AGBL1: variants seen among roughly 807,000 people sequenced by gnomAD.
AGBL1 encodes AGBL carboxypeptidase 1, also known as cytosolic carboxypeptidase 4.
AGBL1 carries 130 observed loss-of-function variants against 118.9 expected under a neutral mutation model. The ratio of observed to expected loss-of-function variants is 1.09; its 90% CI spans 0.95 to 1.26. AGBL1 has a LOEUF of 1.26. AGBL1 is among the 50% of genes most tolerant of loss of function. The pLI is 0.00. For missense variants in AGBL1, 1,584 were observed against 1,298.1 expected, an observed-to-expected ratio of 1.22 and a Z score of -3.38; for synonymous variants, 555 against 478.9, an observed-to-expected ratio of 1.16 and a Z score of -2.08.
chr15:86,269,916 C>G lies in AGBL1; in HGVS notation c.1839-3C>G. On this transcript the variant is annotated splice_region_variant and splice_polypyrimidine_tract_variant and intron_variant, in intron 13 of 22. Coordinates refer to ENST00000614907, the MANE Select transcript of AGBL1 (RefSeq NM_001386094.1). ...ACCCTCCAGTCTTGCTTCTGATCTG[C>G]AGGTTCGAGTATGACTTGCTGGTCA... The G allele has an allele frequency of 2.5e-6, 4 of 1,613,216 alleles. No individual in the cohort carries two copies. The highest frequency in any genetic ancestry group is 3.4e-6 in the Non-Finnish European group (4 of 1,179,440).
chr15:86,520,029 C>T (rs2083166577), intron 18 of AGBL1, among the ~76,000 whole-genome samples: 1 of 152,168 alleles, frequency 6.6e-6, no homozygotes, highest in South Asian at 2.1e-4. Context: ...TACACTGTTA[C>T]TTAAAAATGA....
At chr15:86,281,727 C>G (rs1015460198) in intron 16 of AGBL1, among the ~76,000 whole-genome samples, 1 of 152,080 alleles carries the variant, frequency 6.6e-6, no homozygotes, top group Non-Finnish European at 1.5e-5. Flanking sequence ...TTTCTACTCC[C>G]CTGTAGAAAA....
At chr15:86,330,827 A>G (rs1042793124) in intron 17 of AGBL1, among the ~76,000 whole-genome samples, 28 of 152,210 alleles carry the variant, frequency 1.8e-4, no homozygotes, top group African/African-American at 6.8e-4. Flanking sequence ...TTCAAAATAC[A>G]ATTGAAAGCT....
chr15:86,667,145 A>T (rs2085658167), intron 21 of AGBL1, among the ~76,000 whole-genome samples: 1 of 151,978 alleles, frequency 6.6e-6, no homozygotes, highest in Non-Finnish European at 1.5e-5. Context: ...TCTCTAAATC[A>T]TTTATATTTT....
chr15:86,997,296 AGGTCCT>A, intron 24 of AGBL1, among the ~76,000 whole-genome samples: 1 of 152,284 alleles, frequency 6.6e-6, no homozygotes, highest in East Asian at 1.9e-4. Flanking sequence ...TACAGTCACC[AGGTCCT>A]GGCGGCCTCC....
At chr15:86,501,648 T>G (rs2082918102) in intron 18 of AGBL1, among the ~76,000 whole-genome samples, 1 of 151,590 alleles carries the variant, frequency 6.6e-6, no homozygotes, top group African/African-American at 2.4e-5. Flanking sequence ...AAGGTCCAAA[T>G]GTACTGTTTT....
intron 5 of AGBL1, among the ~76,000 whole-genome samples, chr15:86,213,867 T>C (rs2078142157): frequency 6.6e-6 from 1 of 152,212 alleles, no homozygotes; most frequent in South Asian, 2.1e-4. Context: ...CTGTCAAAAC[T>C]TTGTTGTTAC....
chr15:86,421,229 C>T (rs188527247), intron 18 of AGBL1, among the ~76,000 whole-genome samples: 30 of 152,172 alleles, frequency 2.0e-4, no homozygotes, highest in African/African-American at 5.8e-4. Flanking sequence ...GCGGGTTACC[C>T]ATAAAGGGAA....
intron 17 of AGBL1, among the ~76,000 whole-genome samples, chr15:86,348,455 G>T (rs764977268): frequency 6.6e-6 from 1 of 152,178 alleles, no homozygotes; most frequent in Admixed American, 6.5e-5. Context: ...AATGTCTGGA[G>T]ACACTTTTGA....
chr15:86,378,549 C>A lies in AGBL1; in HGVS notation c.2375-18817C>A, dbSNP rs138809570. On this transcript the variant is annotated intron_variant, in intron 17 of 22. Transcript: ENST00000614907. ...AGTGCTGAGTAGCTTCAGCTTCCAA[C>A]TGGGCCATTCTGAGAGCTATGCTGA... 6.9e-3 allele frequency among the ~76,000 whole-genome samples: 1,053 copies of A among 152,278 alleles called. 10 individuals carry two copies. Among genetic ancestry groups the A allele is most frequent in the African/African-American group, 0.024 (998 of 41,556 alleles).
chr15:86,148,209 A>G (rs1351449333), intron 3 of AGBL1, among the ~76,000 whole-genome samples: 1 of 152,252 alleles, frequency 6.6e-6, no homozygotes, highest in Admixed American at 6.5e-5. Context: ...TCTAAAAATC[A>G]GAGCATCTCT....
intron 22 of AGBL1, among the ~76,000 whole-genome samples, chr15:86,814,503 C>T (rs1238609110): frequency 6.6e-6 from 1 of 152,160 alleles, no homozygotes; most frequent in Non-Finnish European, 1.5e-5. Context: ...TACATAAAAG[C>T]TTGCCCACAG....
intron 1 of AGBL1, among the ~76,000 whole-genome samples, chr15:86,092,124 T>C (rs554797834): frequency 1.8e-4 from 28 of 152,256 alleles, no homozygotes; most frequent in African/African-American, 6.5e-4. Flanking sequence ...AACATGGTTC[T>C]TGTCCTCCCA....
chr15:86,770,829 TAAC>T (rs1024469447), intron 22 of AGBL1, among the ~76,000 whole-genome samples: 5 of 151,960 alleles, frequency 3.3e-5, no homozygotes, highest in African/African-American at 4.8e-5. Flanking sequence ...CACAGAATAA[TAAC>T]AACCTACCTT....
intron 21 of AGBL1, among the ~76,000 whole-genome samples, chr15:86,573,508 A>G (rs1420404891): frequency 6.6e-6 from 1 of 152,248 alleles, no homozygotes; most frequent in African/African-American, 2.4e-5. Context: ...ATCTGGTAAA[A>G]TAGAAGATAA....
At chr15:86,445,849 G>T (rs78035229) in intron 18 of AGBL1, among the ~76,000 whole-genome samples, 6,407 of 152,290 alleles carry the variant, frequency 0.042, 196 homozygotes, top group South Asian at 0.098. Context: ...TCATTTCTTT[G>T]TGATGCATTG....
At chr15:86,675,375 G>A (rs1483603531) in intron 22 of AGBL1, among the ~76,000 whole-genome samples, 2 of 152,092 alleles carry the variant, frequency 1.3e-5, no homozygotes, top group African/African-American at 2.4e-5. Flanking sequence ...ATACTGAATG[G>A]CCAGTGAAAC....
chr15:86,160,497 C>T (rs942320185), intron 5 of AGBL1, among the ~76,000 whole-genome samples: 3 of 152,192 alleles, frequency 2.0e-5, no homozygotes, highest in African/African-American at 7.2e-5. Flanking sequence ...GATGGAAAAA[C>T]ACAGACTGTC....
intron 18 of AGBL1, among the ~76,000 whole-genome samples, chr15:86,492,661 TAAAAG>T (rs1028480471): frequency 1.3e-5 from 2 of 150,068 alleles, no homozygotes; most frequent in Admixed American, 6.6e-5. Flanking sequence ...GGCCTTATGA[TAAAAG>T]AAATAGGAAA....
Sources: gnomAD v4.1 joint callset for allele counts (sites outside exome capture counted in the v4.1 genomes callset) on GRCh38, gnomAD v4.1.1 for gene constraint, MANE v1.5 for transcripts, NCBI Gene and HGNC (gene_info 2026-07-23, HGNC 2026-07-21) for gene names.